Variants in PAK1 observed in about 807,000 individuals in gnomAD.
PAK1 encodes serine/threonine-protein kinase PAK 1.
A neutral mutation model predicts 67.4 loss-of-function variants in PAK1; 29 were observed. That is an observed-to-expected ratio of 0.43 (90% confidence interval 0.32 to 0.59). The LOEUF is 0.59. PAK1 is among the 20% of genes least tolerant of loss of function. The pLI is 0.07. For synonymous variants in PAK1, 223 were observed against 237.4 expected (o/e 0.94, Z 0.56); for missense variants, 337 against 670.7 (o/e 0.50, Z 5.50).
At chr11:77,463,000 T>TGGG (rs1185924220) in intron 1 of PAK1, among the ~76,000 whole-genome samples, 2 of 25,166 alleles carry the variant, frequency 7.9e-5, no homozygotes, top group South Asian at 1.2e-3. Context: ...GGGGGTGGGG[T>TGGG]GGGGGGGCTT....
intron 10 of PAK1, among the ~76,000 whole-genome samples, 162 bp from the exon 11 acceptor site, chr11:77,340,925 G>C (rs921042376): frequency 1.3e-5 from 2 of 152,198 alleles, no homozygotes; most frequent in Non-Finnish European, 2.9e-5. Flanking sequence ...CTGGGGAACA[G>C]AATCACTAAC....
At chr11:77,484,907 C>T in the PAK1 span, among the ~76,000 whole-genome samples, 9 of 152,270 alleles carry the variant, frequency 5.9e-5, no homozygotes, top group East Asian at 7.7e-4. Flanking sequence ...CTCACAATCA[C>T]GGCAGAAGGC....
chr11:77,374,198 G>A (rs1269491656), intron 5 of PAK1, 130 bp downstream of exon 5: 6 of 501,224 alleles, frequency 1.2e-5, no homozygotes, highest in Non-Finnish European at 1.8e-5. Context: ...GGATAGATAG[G>A]AATTCTGAGG....
chr11:77,472,900 T>C (rs975059078), intron 1 of PAK1, among the ~76,000 whole-genome samples: 4 of 152,170 alleles, frequency 2.6e-5, no homozygotes, highest in African/African-American at 9.7e-5. Flanking sequence ...CTCCCAGTAA[T>C]GTGTACTGCT....
Position 77,474,088 on chromosome 11 carries a change from A to C in PAK1, c.-558T>G, listed in dbSNP as rs574450550. The C allele has an allele frequency of 1.5e-4, 23 of 152,152 alleles. No homozygotes were observed. Among genetic ancestry groups the C allele is most frequent in the African/African-American group, 5.6e-4 (23 of 41,366 alleles). 9.4% of individuals were successfully genotyped at this position (152,152 alleles called of 1,614,324 possible). A position where few individuals can be genotyped will look rare whatever the true frequency, so the allele number is the denominator to read the frequency against. ...AGCCTCCCCCGCCCACAGCCGCGCT[A>C]TTGTACGCCGCCCGGCAGGCCTGAC... On this transcript the variant is annotated 5_prime_UTR_variant, in exon 1 of 15. Coordinates refer to ENST00000356341, the MANE Select transcript of PAK1 (RefSeq NM_002576.5).
intron 1 of PAK1, among the ~76,000 whole-genome samples, chr11:77,437,751 A>T (rs971378025): frequency 1.3e-5 from 2 of 152,114 alleles, no homozygotes; most frequent in African/African-American, 4.8e-5. Context: ...ACTAAAACAA[A>T]TCAAACAAAA....
At chr11:77,408,548 C>T (rs1334372997) in intron 1 of PAK1, among the ~76,000 whole-genome samples, 1 of 151,490 alleles carries the variant, frequency 6.6e-6, no homozygotes, top group Non-Finnish European at 1.5e-5. Context: ...CACACACACA[C>T]ACACACACAC....
chr11:77,351,533 G>T (rs1284245374), intron 8 of PAK1, among the ~76,000 whole-genome samples: 1 of 151,898 alleles, frequency 6.6e-6, no homozygotes, highest in Non-Finnish European at 1.5e-5. Context: ...TTTTCTCAAG[G>T]TGTTAAATAC....
chr11:77,347,796 T>C (rs1205970714), intron 9 of PAK1, among the ~76,000 whole-genome samples: 1 of 152,210 alleles, frequency 6.6e-6, no homozygotes, highest in East Asian at 1.9e-4. Flanking sequence ...GAATATGTAG[T>C]TCATAAAGTT....
intron 1 of PAK1, among the ~76,000 whole-genome samples, chr11:77,393,390 G>A (rs1951414529): frequency 6.6e-6 from 1 of 151,900 alleles, no homozygotes; most frequent in African/African-American, 2.4e-5. Flanking sequence ...AAACTCCAGG[G>A]CTCAAGAGAT....
the PAK1 span, among the ~76,000 whole-genome samples, chr11:77,498,007 G>A: frequency 1.9e-4 from 29 of 151,982 alleles, no homozygotes; most frequent in African/African-American, 6.8e-4. Context: ...CTTAGTCTGT[G>A]CAAGTATTTT....
At chr11:77,325,375 A>T in intron 14 of PAK1, 1 of 1,613,460 alleles carries the variant, frequency 6.2e-7, no homozygotes, top group Non-Finnish European at 8.5e-7. Flanking sequence ...CAGTTTTCTC[A>T]CCTGTAAAAA....
intron 5 of PAK1, among the ~76,000 whole-genome samples, chr11:77,365,061 A>G (rs2136729120): frequency 6.6e-6 from 1 of 152,174 alleles, no homozygotes; most frequent in East Asian, 1.9e-4. Context: ...AGCCTGGCCA[A>G]TATGGTGAAA....
chr11:77,449,833 T>G (rs1956781607), intron 1 of PAK1, among the ~76,000 whole-genome samples: 1 of 152,132 alleles, frequency 6.6e-6, no homozygotes, highest in African/African-American at 2.4e-5. Context: ...CATATTCAAT[T>G]TTTTAAAAAT....
At chr11:77,408,260 T>C (rs1469112295) in intron 1 of PAK1, 1 of 152,150 alleles carries the variant, frequency 6.6e-6, no homozygotes, top group Non-Finnish European at 1.5e-5. Context: ...ATAGAGTAGA[T>C]GGTTCAGAAA....
At chr11:77,414,989 G>C (rs1954867756) in intron 1 of PAK1, among the ~76,000 whole-genome samples, 1 of 151,984 alleles carries the variant, frequency 6.6e-6, no homozygotes, top group African/African-American at 2.4e-5. Context: ...TCTAATAAAA[G>C]GCTTGTATCA....
At chr11:77,514,864 G>A in the PAK1 span, 1 of 14,158 alleles carries the variant, frequency 7.1e-5, no homozygotes, top group Non-Finnish European at 1.4e-4. Flanking sequence ...AGACTCTAAG[G>A]CTCAGAGACA....
intron 2 of PAK1, among the ~76,000 whole-genome samples, 191 bp downstream of exon 2, chr11:77,392,140 T>C (rs1350341064): frequency 2.0e-5 from 3 of 152,164 alleles, no homozygotes; most frequent in Admixed American, 6.5e-5. Context: ...TGCTCAGATA[T>C]AGTTAATAGA....
rs566874549 is a variant in PAK1, at chr11:77,429,056, T to TAAAAAAAAAAAAAAAAAAAAAAAAAA, written c.-21-36541_-21-36516dup. 8.0e-4 allele frequency among the ~76,000 whole-genome samples: 39 copies of TAAAAAAAAAAAAAAAAAAAAAAAAAA among 48,988 alleles called. 7 individuals carry two copies. Among genetic ancestry groups the TAAAAAAAAAAAAAAAAAAAAAAAAAA allele is most frequent in the Admixed American group, 1.8e-3 (6 of 3,422 alleles). 32.1% of individuals were successfully genotyped at this position (48,988 alleles called of 152,430 possible). ...TTGGATTCTAAATGCCATTTAATAC[T>TAAAAAAAAAAAAAAAAAAAAAAAAAA]AAAAAAAAAAAAAAAAAAAAAAAAA... On this transcript the variant is annotated intron_variant, in intron 1 of 14. Transcript: ENST00000356341.
Sources: gnomAD v4.1 joint callset for allele counts (sites outside exome capture counted in the v4.1 genomes callset) on GRCh38, gnomAD v4.1.1 for gene constraint, MANE v1.5 for transcripts, NCBI Gene and HGNC (gene_info 2026-07-23, HGNC 2026-07-21) for gene names.